RGS7: variants seen among roughly 807,000 people sequenced by gnomAD.
The protein encoded by RGS7 is regulator of G protein signaling 7, also known as regulator of G-protein signaling 7.
In RGS7, 27 loss-of-function variants were observed where a neutral mutation model predicts 81.1. That is an observed-to-expected ratio of 0.33 (90% CI 0.25 to 0.46). The LOEUF (loss-of-function observed/expected upper bound fraction) is 0.46, where lower values mean the gene tolerates loss of function less well. Ranked by LOEUF, RGS7 falls within the 20% of genes least tolerant of loss-of-function variation. The probability of loss-of-function intolerance (pLI) is 1.00; values close to 1 mark genes in which losing one functional copy is unlikely to be tolerated. For synonymous variants in RGS7, 208 were observed against 207.7 expected, an observed-to-expected ratio of 1.00 and a Z score of -0.01; for missense variants, 396 against 607.4, an observed-to-expected ratio of 0.65 and a Z score of 3.66.
At chr1:241,340,000 T>C (rs1358905130) in intron 2 of RGS7, among the ~76,000 whole-genome samples, 1 of 152,186 alleles carries the variant, frequency 6.6e-6, no homozygotes, top group African/African-American at 2.4e-5. Context: ...AATTAATTTG[T>C]TTCTGATAAA....
intron 4 of RGS7, among the ~76,000 whole-genome samples, chr1:240,940,405 G>A (rs112549522): frequency 6.6e-6 from 1 of 152,142 alleles, no homozygotes; most frequent in Non-Finnish European, 1.5e-5. Context: ...AAGAGCTTAG[G>A]GGGGTTGCAG....
chr1:240,793,632 CAG>C (rs1290438259), intron 18 of RGS7, among the ~76,000 whole-genome samples: 1 of 39,724 alleles, frequency 2.5e-5, no homozygotes, highest in Non-Finnish European at 4.9e-5. Context: ...TTTTTTGAGA[CAG>C]AGTCTTGCAC....
chr1:241,038,155 G>A (rs74662573), intron 3 of RGS7, among the ~76,000 whole-genome samples: 135 of 152,212 alleles, frequency 8.9e-4, no homozygotes, highest in East Asian at 7.5e-3. Context: ...TGTTACAGTT[G>A]GCTGCTGTTG....
At chr1:240,866,121 T>C (rs1292676072) in intron 9 of RGS7, among the ~76,000 whole-genome samples, 1 of 152,182 alleles carries the variant, frequency 6.6e-6, no homozygotes, top group Admixed American at 6.5e-5. Flanking sequence ...GAAGTTATAA[T>C]GTTAAGAAAA....
In RGS7 at chr1:241,192,204, GTGTT is replaced by G. The variant is rs1237792994; in HGVS notation, c.79-93446_79-93443del. The stretch of plus-strand genomic sequence containing the variant: ...TGTGTGTGTGTGTGTGTGTGTGTGT[GTGTT>G]TTGCTTTGATTTTGATTTGGCTTGG... On this transcript the variant is annotated intron_variant, in intron 2 of 18. Transcript: ENST00000440928. Among the ~76,000 whole-genome samples, 168 of 134,980 alleles carry G rather than the reference GTGTT, an allele frequency of 1.2e-3. 1 individual carries two copies. Among genetic ancestry groups the G allele is most frequent in the African/African-American group, 4.3e-3 (156 of 36,470 alleles). 88.6% of individuals were successfully genotyped at this position (134,980 alleles called of 152,430 possible).
At chr1:241,064,464 T>C (rs2061942490) in intron 3 of RGS7, among the ~76,000 whole-genome samples, 1 of 149,924 alleles carries the variant, frequency 6.7e-6, no homozygotes, top group African/African-American at 2.4e-5. Context: ...TGCTCACACC[T>C]GCAGTCCCAG....
chr1:240,794,522 C>T (rs1382117771), intron 18 of RGS7, among the ~76,000 whole-genome samples: 2 of 152,174 alleles, frequency 1.3e-5, no homozygotes, highest in Non-Finnish European at 2.9e-5. Flanking sequence ...TATATGTTTT[C>T]TTTTTATTTG....
intron 2 of RGS7, among the ~76,000 whole-genome samples, chr1:241,351,098 C>G (rs1474451751): frequency 1.3e-5 from 2 of 152,198 alleles, no homozygotes; most frequent in African/African-American, 4.8e-5. Flanking sequence ...TAAGAAAAGC[C>G]AGTGGTCTTG....
intron 4 of RGS7, among the ~76,000 whole-genome samples, chr1:240,960,961 C>A (rs914313928): frequency 2.0e-5 from 3 of 151,820 alleles, no homozygotes; most frequent in African/African-American, 7.3e-5. Flanking sequence ...AAGTTGGATA[C>A]CAGAATCTGT....
intron 2 of RGS7, among the ~76,000 whole-genome samples, chr1:241,254,213 AAAAG>A: frequency 6.6e-6 from 1 of 151,820 alleles, no homozygotes; most frequent in East Asian, 1.9e-4. Flanking sequence ...AAAAAAAAAA[AAAAG>A]AAAGAAAGAA....
chr1:241,254,683 G>A (rs2148237094), intron 2 of RGS7, among the ~76,000 whole-genome samples: 1 of 152,106 alleles, frequency 6.6e-6, no homozygotes, highest in East Asian at 1.9e-4. Context: ...GATTTTTTTT[G>A]AGGTTTCAAT....
At chr1:241,254,301 T>A (rs578205114) in intron 2 of RGS7, among the ~76,000 whole-genome samples, 1 of 152,300 alleles carries the variant, frequency 6.6e-6, no homozygotes, top group South Asian at 2.1e-4. Flanking sequence ...AAGGTCATGT[T>A]TGTGAACAAT....
rs537833753 is a variant in RGS7, at chr1:241,265,920, G to A, written c.78+89779C>T. ...AGCAATTCTCCTGCCTCAGCCTCCC[G>A]AGTAGCTGGGATTACAGGCATATAC... On this transcript the variant is annotated intron_variant, in intron 2 of 18. Coordinates refer to ENST00000440928, the MANE Select transcript of RGS7 (RefSeq NM_001364886.1). Among the ~76,000 whole-genome samples, 749 of 150,926 alleles carry A rather than the reference G, an allele frequency of 5.0e-3. 8 individuals are homozygous for A. The highest frequency in any genetic ancestry group is 0.017 in the African/African-American group (715 of 41,088).
At chr1:241,286,423 TC>T (rs2148425425) in intron 2 of RGS7, among the ~76,000 whole-genome samples, 1 of 152,238 alleles carries the variant, frequency 6.6e-6, no homozygotes, top group Admixed American at 6.5e-5. Context: ...ACACGCCACT[TC>T]CGTTCCTTCC....
intron 3 of RGS7, among the ~76,000 whole-genome samples, chr1:241,017,850 T>C (rs956900286): frequency 5.3e-5 from 8 of 152,314 alleles, no homozygotes; most frequent in African/African-American, 1.9e-4. Context: ...ATGTTGTCTA[T>C]TTTTTTCATC....
chr1:240,806,372 C>G, intron 14 of RGS7, 46 bp from the exon 15 acceptor site: 1 of 1,580,736 alleles, frequency 6.3e-7, no homozygotes, highest in Non-Finnish European at 8.7e-7. Flanking sequence ...GGCCCATCAT[C>G]TGAAAATTCT....
At chr1:241,117,696 G>A (rs978408827) in intron 2 of RGS7, among the ~76,000 whole-genome samples, 1 of 152,154 alleles carries the variant, frequency 6.6e-6, no homozygotes, top group East Asian at 1.9e-4. Flanking sequence ...GTACAGGCTT[G>A]AGTGGAAATA....
intron 4 of RGS7, among the ~76,000 whole-genome samples, chr1:240,961,361 A>AG (rs1428800078): frequency 1.3e-5 from 2 of 152,098 alleles, no homozygotes; most frequent in Non-Finnish European, 2.9e-5. Context: ...GATGTCATGC[A>AG]GGGGTGACAG....
chr1:241,087,944 ATCTCTCTCTCTCTCTCTC>A (rs574047844), intron 3 of RGS7, among the ~76,000 whole-genome samples: 1 of 116,108 alleles, frequency 8.6e-6, no homozygotes, highest in South Asian at 2.6e-4. Flanking sequence ...GCAAGACTCC[ATCTCTCTCTCTCTCTCTC>A]TCTCTCTCTC....
Sources: allele counts gnomAD v4.1 joint callset (sites outside exome capture counted in the v4.1 genomes callset), GRCh38; gene constraint gnomAD v4.1.1; transcripts MANE v1.5; gene names NCBI Gene and HGNC (gene_info 2026-07-23, HGNC 2026-07-21).